The following MAPKAPK5 variants were observed in gnomAD, a reference collection of about 807,000 sequenced individuals.
MAPKAPK5 encodes MAP kinase-activated protein kinase 5.
Under a neutral mutation model 65.1 loss-of-function variants are expected in MAPKAPK5, and 30 were observed. The ratio of observed to expected loss-of-function variants is 0.46; its 90% CI spans 0.34 to 0.63. The LOEUF (loss-of-function observed/expected upper bound fraction) is 0.63, where lower values mean the gene tolerates loss of function less well. MAPKAPK5 is among the 20% of genes least tolerant of loss of function. The pLI is 0.01. For synonymous variants in MAPKAPK5, 179 were observed against 204.6 expected, an observed-to-expected ratio of 0.87 and a Z score of 1.07; for missense variants, 433 against 581.4, an observed-to-expected ratio of 0.74 and a Z score of 2.63.
Position 111,901,561 on chromosome 12 carries a change from A to G in MAPKAPK5, c.*8500A>G, listed in dbSNP as rs1230880340. On this transcript the variant is annotated 3_prime_UTR_variant, in exon 14 of 14. Transcript: ENST00000550735. ...AAAAATCACCAGAGGCTGCCCCGGCAGAAGCTCCTCCAGCAGTGGCTCCAC... is the reference window on the plus strand; with the variant it reads ...AAAAATCACCAGAGGCTGCCCCGGCGGAAGCTCCTCCAGCAGTGGCTCCAC... 1 of 336,894 alleles carries G rather than the reference A, an allele frequency of 3.0e-6. No homozygotes were observed. The highest frequency in any genetic ancestry group is 3.5e-5 in the Admixed American group (1 of 28,660). 20.9% of individuals were successfully genotyped at this position (336,894 alleles called of 1,614,324 possible).
chr12:111,866,171 A>C lies in MAPKAPK5; in HGVS notation c.126A>C (p.Lys42Asn), dbSNP rs995235966. Residue 42 changes from lysine to asparagine, a missense_variant, in exon 3 of 14, where the codon AAA (lysine) becomes AAC (asparagine). Around this residue, in one of 3 missense-constraint regions of MAPKAPK5, gnomAD observed 165 missense variants for 180.0 expected, o/e 0.92. Coordinates refer to ENST00000550735, the MANE Select transcript of MAPKAPK5 (RefSeq NM_003668.4). ...CCAAATCTAGAGTCTGTGTAAAGAAATCTACTCAAGAACGGTTTGCGCTGA... is the reference window on the plus strand; with the variant it reads ...CCAAATCTAGAGTCTGTGTAAAGAACTCTACTCAAGAACGGTTTGCGCTGA... ...ISGPVRVCVK[K>N]STQERFALKI... 4 of 1,611,430 alleles carry C rather than the reference A, an allele frequency of 2.5e-6. No individual in the cohort carries two copies. The South Asian group carries it at 4.4e-5, about 18-fold the overall frequency.
intron 13 of MAPKAPK5, among the ~76,000 whole-genome samples, chr12:111,890,822 T>G (rs1278252622): frequency 6.6e-6 from 1 of 152,122 alleles, no homozygotes; most frequent in Middle Eastern, 3.2e-3. Flanking sequence ...CATGCCCAGC[T>G]AATTTTTGTA....
At chr12:111,889,063 T>TG (rs1408247402) in intron 12 of MAPKAPK5, 63 bp downstream of exon 12, 8 of 1,525,610 alleles carry the variant, frequency 5.2e-6, no homozygotes, top group Non-Finnish European at 5.3e-6. Context: ...CAGGGGTGGG[T>TG]GGGTGTATGC....
In MAPKAPK5 at chr12:111,886,027, G is replaced by A. The variant is rs370054317; in HGVS notation, c.960G>A (p.Met320Ile). Residue 320 changes from methionine (M) to isoleucine (I), a missense_variant, in exon 10 of 14, where the codon ATG becomes ATA. By Grantham distance (10) the Met-to-Ile change is conservative. Coordinates refer to ENST00000550735, the MANE Select transcript of MAPKAPK5 (RefSeq NM_003668.4). Reference protein sequence around the residue: ...LDNVLPSAQLMMDKAVVAGIQ... With the variant: ...LDNVLPSAQLIMDKAVVAGIQ... ...ATGTGCTGCCTTCTGCTCAGCTGAT[G>A]ATGGACAAGGTTTTGAATGATGTTT... The A allele has an allele frequency of 4.3e-6, 7 of 1,613,922 alleles. No individual in the cohort carries two copies. The South Asian group carries it at 7.7e-5, about 18-fold the overall frequency.
chr12:111,888,449 C>A, intron 10 of MAPKAPK5, 39 bp from the exon 11 acceptor site: 1 of 1,608,246 alleles, frequency 6.2e-7, no homozygotes, highest in Non-Finnish European at 8.5e-7. Flanking sequence ...AGGTGCCCAG[C>A]AATGAATATG....
At chr12:111,848,772 C>T (rs2068980724) in intron 1 of MAPKAPK5, among the ~76,000 whole-genome samples, 1 of 151,988 alleles carries the variant, frequency 6.6e-6, no homozygotes, top group African/African-American at 2.4e-5. Flanking sequence ...CTTTGTCACT[C>T]AGGCTGGAAT....
In MAPKAPK5 at chr12:111,901,354, G is replaced by GT. The variant is rs2071050730; in HGVS notation, c.*8294dup. 1 of 455,990 alleles carries GT rather than the reference G, an allele frequency of 2.2e-6. No individual in the cohort carries two copies. The highest frequency in any genetic ancestry group is 2.0e-5 in the African/African-American group (1 of 50,082). 28.2% of individuals were successfully genotyped at this position (455,990 alleles called of 1,614,324 possible). On this transcript the variant is annotated 3_prime_UTR_variant, in exon 14 of 14. Transcript: ENST00000550735. ...CCCCCTGACTGTGTTACTGCAGGAA[G>GT]TGGAGGTAGTGTGGACAGTGGCCCT...
intron 7 of MAPKAPK5, among the ~76,000 whole-genome samples, chr12:111,874,421 T>C (rs2136121412): frequency 6.6e-6 from 1 of 151,600 alleles, no homozygotes; most frequent in South Asian, 2.1e-4. Flanking sequence ...CATTTTCTAA[T>C]TTTAACTAGT....
At chr12:111,890,912 C>T (rs2070582319) in intron 13 of MAPKAPK5, among the ~76,000 whole-genome samples, 1 of 152,034 alleles carries the variant, frequency 6.6e-6, no homozygotes, top group African/African-American at 2.4e-5. Flanking sequence ...CCTGCCTCAG[C>T]CTCCCAAAGT....
chr12:111,862,943 C>A lies in MAPKAPK5; in HGVS notation c.37-2307C>A, dbSNP rs538547263. 1.3e-4 allele frequency among the ~76,000 whole-genome samples: 20 copies of A among 152,256 alleles called. No homozygotes were observed. In the South Asian group the frequency reaches 4.1e-3, roughly 32 times the overall value. On this transcript the variant is annotated intron_variant, in intron 1 of 13. Coordinates refer to ENST00000550735, the MANE Select transcript of MAPKAPK5 (RefSeq NM_003668.4). ...TGGGTCTCGTCAGATACTCCTAAGTCAAACAGGTCATGTAGCAGATAAGTG... is the reference window on the plus strand; with the variant it reads ...TGGGTCTCGTCAGATACTCCTAAGTAAAACAGGTCATGTAGCAGATAAGTG...
intron 7 of MAPKAPK5, among the ~76,000 whole-genome samples, chr12:111,872,853 A>G (rs1194324193): frequency 1.3e-5 from 2 of 152,158 alleles, no homozygotes; most frequent in Non-Finnish European, 2.9e-5. Flanking sequence ...TTACCTAGAT[A>G]ACTCCCCATT....
intron 1 of MAPKAPK5, among the ~76,000 whole-genome samples, chr12:111,863,738 C>G (rs574012607): frequency 4.8e-4 from 73 of 151,772 alleles, no homozygotes; most frequent in African/African-American, 1.4e-3. Context: ...TCCTGAGTAG[C>G]TGGGATTACA....
chr12:111,884,357 C>T (rs1375447018), intron 9 of MAPKAPK5, among the ~76,000 whole-genome samples: 1 of 152,160 alleles, frequency 6.6e-6, no homozygotes, highest in Non-Finnish European at 1.5e-5. Context: ...ATTACAGGAG[C>T]CCGCTAACAC....
At chr12:111,885,141 A>G (rs2070362310) in intron 9 of MAPKAPK5, among the ~76,000 whole-genome samples, 1 of 152,186 alleles carries the variant, frequency 6.6e-6, no homozygotes, top group Admixed American at 6.5e-5. Context: ...CTTCCAGATA[A>G]TCCTTTCTTT....
intron 1 of MAPKAPK5, among the ~76,000 whole-genome samples, chr12:111,857,463 G>C (rs2069282303): frequency 6.6e-6 from 1 of 152,132 alleles, no homozygotes; most frequent in Non-Finnish European, 1.5e-5. Flanking sequence ...ATGTTGGCCA[G>C]GCTGGTCTTG....
chr12:111,846,751 C>T (rs1432742409), intron 1 of MAPKAPK5, among the ~76,000 whole-genome samples: 1 of 152,086 alleles, frequency 6.6e-6, no homozygotes, highest in Non-Finnish European at 1.5e-5. Flanking sequence ...CCCTCCTCGG[C>T]CTCCCAAAGT....
chr12:111,862,889 A>G (rs983072944), intron 1 of MAPKAPK5, among the ~76,000 whole-genome samples: 3 of 151,976 alleles, frequency 2.0e-5, no homozygotes, highest in African/African-American at 7.2e-5. Flanking sequence ...TTCTGCTTCA[A>G]CTCCCTCCTT....
intron 1 of MAPKAPK5, among the ~76,000 whole-genome samples, chr12:111,845,208 G>A (rs979630684): frequency 1.3e-5 from 2 of 151,324 alleles, no homozygotes; most frequent in East Asian, 1.9e-4. Context: ...CACTGCAGCC[G>A]CCTCCTCCCA....
In MAPKAPK5 at chr12:111,873,332, T is replaced by TTTTG. The variant is rs949072150; in HGVS notation, c.579+2172_579+2175dup. On this transcript the variant is annotated intron_variant, in intron 7 of 13. Transcript: ENST00000550735. ...AGGATTGCATCATTGAATTGCAGTT[T>TTTTG]TTTGTTTGTTTGTTTGTTTGTTTTT... Among the ~76,000 whole-genome samples the TTTTG allele has an allele frequency of 2.2e-3, 331 of 152,104 alleles. 2 individuals are homozygous for TTTTG. The highest frequency in any genetic ancestry group is 7.4e-3 in the African/African-American group (309 of 41,490).
Sources: gnomAD v4.1 joint callset for allele counts (sites outside exome capture counted in the v4.1 genomes callset) on GRCh38, gnomAD v4.1.1 for gene constraint, gnomAD v4.1.1 regional missense constraint, MANE v1.5 for transcripts, NCBI Gene and HGNC (gene_info 2026-07-23, HGNC 2026-07-21) for gene names.